The following AAGAB variants were observed in gnomAD, a reference collection of about 807,000 sequenced individuals.
AAGAB encodes the protein alpha and gamma adaptin binding protein.
In AAGAB, 38 loss-of-function variants were observed where a neutral mutation model predicts 44.1. The ratio of observed to expected loss-of-function variants is 0.86; its 90% CI spans 0.67 to 1.13. AAGAB has a LOEUF of 1.13. Among genes scored for constraint, AAGAB ranks in the 50% most tolerant of loss-of-function variants. The pLI is 0.00. For missense variants in AAGAB, 450 were observed against 373.8 expected (o/e 1.20, Z -1.68); for synonymous variants, 131 against 131.8 (o/e 0.99, Z 0.04).
intron 7 of AAGAB, among the ~76,000 whole-genome samples, chr15:67,205,941 C>T (rs931945114): frequency 2.0e-5 from 3 of 152,140 alleles, no homozygotes; most frequent in East Asian, 1.9e-4. Flanking sequence ...ATGCTCTTCA[C>T]CCACTTTCCC....
chr15:67,235,502 C>G (rs1964439948), intron 4 of AAGAB, among the ~76,000 whole-genome samples: 1 of 152,020 alleles, frequency 6.6e-6, no homozygotes, highest in African/African-American at 2.4e-5. Flanking sequence ...GCAGAGCTAC[C>G]TGGGGTGGAG....
At chr15:67,241,667 G>C (rs1339318200) in intron 1 of AAGAB, among the ~76,000 whole-genome samples, 1 of 152,076 alleles carries the variant, frequency 6.6e-6, no homozygotes, top group African/African-American at 2.4e-5. Context: ...CCTGCAAATG[G>C]GGATGAGAAC....
At chr15:67,215,423 C>T (rs987625516) in intron 5 of AAGAB, among the ~76,000 whole-genome samples, 1 of 152,132 alleles carries the variant, frequency 6.6e-6, no homozygotes, top group Non-Finnish European at 1.5e-5. Context: ...GACCACACCC[C>T]CCAACACGCC....
intron 5 of AAGAB, among the ~76,000 whole-genome samples, chr15:67,225,872 C>T (rs1964192031): frequency 6.6e-6 from 1 of 152,174 alleles, no homozygotes; most frequent in African/African-American, 2.4e-5. Context: ...TTCCAGTTCT[C>T]TTCGGTATAT....
Position 67,201,292 on chromosome 15 carries a change from A to AG in AAGAB, c.*1528_*1529insC, listed in dbSNP as rs1963566173. 6.6e-6 allele frequency: 1 copy of AG among 151,460 alleles called. No homozygotes were observed. The highest frequency in any genetic ancestry group is 2.1e-4 in the South Asian group (1 of 4,780). 9.4% of individuals were successfully genotyped at this position (151,460 alleles called of 1,614,324 possible). On this transcript the variant is annotated 3_prime_UTR_variant, in exon 10 of 10. Transcript: ENST00000261880. ...AAAGTCTTTCAGAACAGTAAAAGAA[A>AG]AAAAAAAAAAAAGGAACAAAAGGTC...
chr15:67,231,804 A>G lies in AAGAB; in HGVS notation c.535+10T>C, dbSNP rs370948218. The G allele has an allele frequency of 3.6e-5, 57 of 1,604,208 alleles. No individual in the cohort carries two copies. The East Asian group carries it at 7.6e-4, about 21-fold the overall frequency. On this transcript the variant is annotated intron_variant, in intron 5 of 9. Coordinates refer to ENST00000261880, the MANE Select transcript of AAGAB (RefSeq NM_024666.5). ...GAGGAAAAAAATGACTTGAGTCCCA[A>G]GTTACTTACCATTCTTCATCACTAC...
intron 5 of AAGAB, among the ~76,000 whole-genome samples, chr15:67,224,585 CTTTTTTT>C (rs892410820): frequency 4.3e-5 from 6 of 138,836 alleles, no homozygotes; most frequent in African/African-American, 1.1e-4. Flanking sequence ...TTTTTCTTTT[CTTTTTTT>C]TTTTTTTTTG....
In AAGAB at chr15:67,200,893, A is replaced by C. The variant is rs1963556054; in HGVS notation, c.*1928T>G. 6.6e-6 allele frequency: 1 copy of C among 152,368 alleles called. No individual in the cohort carries two copies. The highest frequency in any genetic ancestry group is 1.5e-5 in the Non-Finnish European group (1 of 68,050). The allele number at this position is 152,368 out of a possible 1,614,324, so 9.4% of individuals were successfully genotyped here. Reference sequence around the variant, plus strand: ...ACATGACATTACATATGCAGGGTAAATTCTAAAATAGTGAGCTTGACAGAC... The same window carrying C: ...ACATGACATTACATATGCAGGGTAACTTCTAAAATAGTGAGCTTGACAGAC... On this transcript the variant is annotated 3_prime_UTR_variant, in exon 10 of 10. Transcript: ENST00000261880.
intron 4 of AAGAB, chr15:67,232,721 T>C (rs1397769321): frequency 8.0e-6 from 2 of 251,300 alleles, no homozygotes; most frequent in African/African-American, 4.6e-5. Context: ...TTACAAGACA[T>C]GGCCTGTGTG....
At chr15:67,251,754 T>C (rs927719088) in intron 1 of AAGAB, among the ~76,000 whole-genome samples, 1 of 152,196 alleles carries the variant, frequency 6.6e-6, no homozygotes, top group Non-Finnish European at 1.5e-5. Context: ...CGGCCTAATA[T>C]CACCGAACAC....
chr15:67,227,729 G>T (rs1460245395), intron 5 of AAGAB, among the ~76,000 whole-genome samples: 1 of 152,154 alleles, frequency 6.6e-6, no homozygotes, highest in Non-Finnish European at 1.5e-5. Context: ...AGAGTAGTAT[G>T]ACCCACCATA....
intron 7 of AAGAB, among the ~76,000 whole-genome samples, chr15:67,206,751 A>G (rs2039852601): frequency 6.6e-6 from 1 of 152,110 alleles, no homozygotes; most frequent in Non-Finnish European, 1.5e-5. Flanking sequence ...ACATGTCCCC[A>G]TTCTTTTTTG....
chr15:67,217,300 G>A (rs1963972962), intron 5 of AAGAB, among the ~76,000 whole-genome samples: 3 of 152,188 alleles, frequency 2.0e-5, no homozygotes. Flanking sequence ...CTGGGGTCCA[G>A]AAACATGAAG....
chr15:67,254,298 T>C, intron 1 of AAGAB: 1 of 904,602 alleles, frequency 1.1e-6, no homozygotes, highest in Non-Finnish European at 1.5e-6. Flanking sequence ...CAAAAACCTG[T>C]GGCCTGGGCT....
intron 1 of AAGAB, among the ~76,000 whole-genome samples, chr15:67,250,036 T>G (rs1353108977): frequency 6.6e-6 from 1 of 152,250 alleles, no homozygotes; most frequent in African/African-American, 2.4e-5. Flanking sequence ...GAGTTGGCAT[T>G]ACACACTTTA....
intron 1 of AAGAB, among the ~76,000 whole-genome samples, chr15:67,253,207 T>C (rs1316161928): frequency 6.8e-6 from 1 of 147,502 alleles, no homozygotes; most frequent in Non-Finnish European, 1.5e-5. Flanking sequence ...GGCAGATCAC[T>C]TGAGCCCGGG....
At chr15:67,225,050 G>A (rs770401046) in intron 5 of AAGAB, among the ~76,000 whole-genome samples, 5 of 152,206 alleles carry the variant, frequency 3.3e-5, no homozygotes, top group Non-Finnish European at 5.9e-5. Context: ...AACCATGGCT[G>A]TATATTTGAA....
intron 1 of AAGAB, among the ~76,000 whole-genome samples, chr15:67,248,690 A>G (rs368596693): frequency 6.6e-6 from 1 of 152,182 alleles, no homozygotes; most frequent in African/African-American, 2.4e-5. Flanking sequence ...CAAATTCCCA[A>G]TCTTGCAGAA....
chr15:67,223,456 T>TGATC (rs1463285309), intron 5 of AAGAB, among the ~76,000 whole-genome samples: 1 of 152,214 alleles, frequency 6.6e-6, no homozygotes, highest in Non-Finnish European at 1.5e-5. Flanking sequence ...CTTCCTTGAC[T>TGATC]GATCTCTTTT....
Sources: allele counts gnomAD v4.1 joint callset (sites outside exome capture counted in the v4.1 genomes callset), GRCh38; gene constraint gnomAD v4.1.1; transcripts MANE v1.5; gene names NCBI Gene and HGNC (gene_info 2026-07-23, HGNC 2026-07-21).